The following TBX5 variants were observed in gnomAD, a reference collection of about 807,000 sequenced individuals.
The protein encoded by TBX5 is T-box transcription factor TBX5.
TBX5 carries 8 observed loss-of-function variants against 51.1 expected under a neutral mutation model. That is an observed-to-expected ratio of 0.16 (90% CI 0.09 to 0.28). TBX5 has a LOEUF of 0.28. TBX5 is among the 10% of genes least tolerant of loss of function. The pLI is 1.00. For synonymous variants in TBX5, 302 were observed against 266.4 expected (o/e 1.13, Z -1.30); for missense variants, 589 against 671.7 (o/e 0.88, Z 1.36).
upstream of TBX5, chr12:114,408,121 C>G (rs930240480): frequency 1.0e-6 from 1 of 985,318 alleles, no homozygotes; most frequent in Non-Finnish European, 1.2e-6. Flanking sequence ...GTCACGCAAC[C>G]GGCCCGCGCG....
intron 3 of TBX5, 54 bp downstream of exon 3, chr12:114,401,772 C>G (rs750495344): frequency 1.2e-4 from 188 of 1,560,476 alleles, no homozygotes; most frequent in Non-Finnish European, 1.5e-4. Flanking sequence ...TTTTCTTCTT[C>G]ACCTCTCCCA....
At chr12:114,371,261 G>A (rs1182555326) in intron 7 of TBX5, among the ~76,000 whole-genome samples, 2 of 152,118 alleles carry the variant, frequency 1.3e-5, no homozygotes, top group Non-Finnish European at 2.9e-5. Flanking sequence ...TCTGACAAGA[G>A]TCTGGGACCC....
At chr12:114,400,896 G>A (rs957401811) in intron 3 of TBX5, among the ~76,000 whole-genome samples, 3 of 152,220 alleles carry the variant, frequency 2.0e-5, no homozygotes, top group Non-Finnish European at 4.4e-5. Flanking sequence ...CTGGAGAACG[G>A]GGGCGGGGGG....
chr12:114,357,536 A>G (rs1172759965), intron 8 of TBX5, among the ~76,000 whole-genome samples: 1 of 152,172 alleles, frequency 6.6e-6, no homozygotes, highest in East Asian at 1.9e-4. Flanking sequence ...AGTGAGTAAT[A>G]CTTACCTTAC....
Position 114,355,668 on chromosome 12 carries a change from G to C in TBX5, c.1421C>G (p.Thr474Ser). The stretch of plus-strand genomic sequence containing the variant: ...AAGGGTGCCAGGGGACTGCAGGCCA[G>C]TCTGAGGCCCACACTGCCTGACCAC... ...QPVVRQCGPQ[T>S]GLQSPGTLQP... Residue 474 changes from threonine (T) to serine (S), a missense_variant, in exon 9 of 9, where the codon ACT (threonine) becomes AGT (serine). By Grantham distance (58) the Thr-to-Ser change is moderately conservative (BLOSUM62 1). Transcript: ENST00000405440. 1 of 1,614,184 alleles carries C rather than the reference G, an allele frequency of 6.2e-7. No individual in the cohort carries two copies. Among genetic ancestry groups the C allele is most frequent in the Non-Finnish European group, 8.5e-7 (1 of 1,180,032 alleles).
intron 7 of TBX5, among the ~76,000 whole-genome samples, chr12:114,377,275 T>C (rs867747305): frequency 6.6e-6 from 1 of 152,242 alleles, no homozygotes; most frequent in Non-Finnish European, 1.5e-5. Context: ...AAAATGATCA[T>C]TTGAGGTTAA....
intron 7 of TBX5, among the ~76,000 whole-genome samples, chr12:114,383,495 T>C (rs1870628764): frequency 6.6e-6 from 1 of 152,102 alleles, no homozygotes; most frequent in Non-Finnish European, 1.5e-5. Flanking sequence ...AGTCCAAACC[T>C]TATAGTGATG....
chr12:114,386,128 G>A (rs751461533), intron 6 of TBX5, among the ~76,000 whole-genome samples: 3 of 152,042 alleles, frequency 2.0e-5, no homozygotes, highest in Non-Finnish European at 2.9e-5. Context: ...TGAAATAAAC[G>A]CCAATATACA....
intron 2 of TBX5, among the ~76,000 whole-genome samples, chr12:114,402,150 C>A (rs1274047054): frequency 6.6e-6 from 1 of 152,188 alleles, no homozygotes; most frequent in African/African-American, 2.4e-5. Flanking sequence ...ACCACTTGAA[C>A]CCACAGTGCT....
intron 8 of TBX5, among the ~76,000 whole-genome samples, chr12:114,362,489 A>G (rs1048228282): frequency 1.3e-5 from 2 of 151,880 alleles, no homozygotes; most frequent in Non-Finnish European, 2.9e-5. Flanking sequence ...GGCTTCATGC[A>G]TGCTTTCCTC....
chr12:114,362,341 G>C (rs990893287), intron 8 of TBX5, among the ~76,000 whole-genome samples: 2 of 152,160 alleles, frequency 1.3e-5, no homozygotes, highest in Non-Finnish European at 2.9e-5. Context: ...TCATTAAAAT[G>C]GCTTATACAG....
intron 8 of TBX5, among the ~76,000 whole-genome samples, chr12:114,365,110 C>A (rs1205775262): frequency 1.3e-5 from 2 of 150,546 alleles, no homozygotes; most frequent in African/African-American, 4.9e-5. Flanking sequence ...AAGAAAACTG[C>A]GGAATGCCTC....
intron 4 of TBX5, 47 bp downstream of exon 4, chr12:114,399,466 G>A: frequency 5.0e-6 from 8 of 1,612,642 alleles, no homozygotes; most frequent in Middle Eastern, 1.7e-4. Context: ...TTGGGAGAAG[G>A]TTCCACTTTT....
At chr12:114,356,213 G>A in intron 8 of TBX5, 107 bp from the exon 9 acceptor site, 1 of 1,098,008 alleles carries the variant, frequency 9.1e-7, no homozygotes, top group Non-Finnish European at 1.4e-6. Flanking sequence ...CTGAGAGACT[G>A]TTAGCCCTAA....
chr12:114,385,708 G>A (rs1160780336), intron 6 of TBX5, 141 bp from the exon 7 acceptor site: 19 of 723,952 alleles, frequency 2.6e-5, no homozygotes, highest in Non-Finnish European at 3.0e-5. Flanking sequence ...TCACGTCAAC[G>A]GGACCCACCA....
chr12:114,358,386 T>C (rs1260064068), intron 8 of TBX5, among the ~76,000 whole-genome samples: 1 of 152,170 alleles, frequency 6.6e-6, no homozygotes, highest in Non-Finnish European at 1.5e-5. Context: ...AAGTAAGCCA[T>C]TGACTCAAGA....
chr12:114,379,738 T>C (rs1444414327), intron 7 of TBX5, among the ~76,000 whole-genome samples: 1 of 152,220 alleles, frequency 6.6e-6, no homozygotes, highest in African/African-American at 2.4e-5. Context: ...CCTGTTTCCA[T>C]CCATGGACCC....
intron 1 of TBX5, among the ~76,000 whole-genome samples, chr12:114,404,219 G>C (rs1872044384): frequency 6.6e-6 from 1 of 152,132 alleles, no homozygotes; most frequent in African/African-American, 2.4e-5. Flanking sequence ...CCCCTGCGCA[G>C]GCTCTCCGTG....
chr12:114,381,141 T>C (rs985077625), intron 7 of TBX5, among the ~76,000 whole-genome samples: 8 of 152,198 alleles, frequency 5.3e-5, no homozygotes, highest in African/African-American at 1.9e-4. Context: ...CACAGGGAGT[T>C]GGGCCAAGAG....
Sources: allele counts gnomAD v4.1 joint callset (sites outside exome capture counted in the v4.1 genomes callset), GRCh38; gene constraint gnomAD v4.1.1; transcripts MANE v1.5; gene names NCBI Gene and HGNC (gene_info 2026-07-23, HGNC 2026-07-21).